Variants in MARCHF1 observed in about 807,000 individuals in gnomAD.
The protein encoded by MARCHF1 is membrane associated ring-CH-type finger 1, also known as E3 ubiquitin-protein ligase MARCHF1.
MARCHF1 carries 40 observed loss-of-function variants against 54.2 expected under a neutral mutation model. The observed-to-expected ratio is 0.74, with a 90% CI of 0.57 to 0.96. MARCHF1 has a LOEUF of 0.96. Among genes scored for constraint, MARCHF1 ranks in the 40% least tolerant of loss-of-function variants. MARCHF1 has a pLI of 0.00. For missense variants in MARCHF1, 586 were observed against 656.5 expected (o/e 0.89, Z 1.17); for synonymous variants, 236 against 236.3 (o/e 1.00, Z 0.01).
chr4:164,094,059 A>C (rs1432485691), intron 2 of MARCHF1, among the ~76,000 whole-genome samples: 1 of 152,132 alleles, frequency 6.6e-6, no homozygotes, highest in Admixed American at 6.6e-5. Context: ...CCTAATACTT[A>C]AGAGAAATAT....
chr4:163,765,933 T>C (rs1251672030), intron 4 of MARCHF1, among the ~76,000 whole-genome samples: 1 of 147,746 alleles, frequency 6.8e-6, no homozygotes, highest in African/African-American at 2.5e-5. Context: ...ATATAATACA[T>C]ATAAATATAT....
intron 1 of MARCHF1, among the ~76,000 whole-genome samples, chr4:164,274,919 A>G (rs937068225): frequency 1.3e-5 from 2 of 149,348 alleles, no homozygotes; most frequent in African/African-American, 4.9e-5. Context: ...CTCGTGATCC[A>G]CCCGCCTCGG....
At chr4:164,300,182 A>G (rs1734517447) in intron 1 of MARCHF1, among the ~76,000 whole-genome samples, 1 of 152,120 alleles carries the variant, frequency 6.6e-6, no homozygotes, top group South Asian at 2.1e-4. Flanking sequence ...TCACTGTAGA[A>G]CATCATTATC....
chr4:163,658,321 A>G (rs1743223294), intron 5 of MARCHF1, among the ~76,000 whole-genome samples: 1 of 152,058 alleles, frequency 6.6e-6, no homozygotes, highest in Non-Finnish European at 1.5e-5. Context: ...GTCATAAAAG[A>G]TCATTAGAGA....
At chr4:163,682,740 TC>T (rs1404441740) in intron 5 of MARCHF1, among the ~76,000 whole-genome samples, 3 of 152,072 alleles carry the variant, frequency 2.0e-5, no homozygotes, top group African/African-American at 7.2e-5. Flanking sequence ...AAGGGGCTTT[TC>T]CCCCTTTGCT....
chr4:163,818,949 G>T (rs1748618091), intron 4 of MARCHF1, among the ~76,000 whole-genome samples: 2 of 152,048 alleles, frequency 1.3e-5, no homozygotes, highest in Admixed American at 1.3e-4. Context: ...TTTCACTGAA[G>T]ATTCTGGCAC....
chr4:164,198,862 C>T (rs1731358640), intron 1 of MARCHF1, among the ~76,000 whole-genome samples: 1 of 152,166 alleles, frequency 6.6e-6, no homozygotes, highest in Admixed American at 6.5e-5. Context: ...AATAGAAATA[C>T]ATTCCCTGAA....
At chr4:163,681,098 G>A (rs1744088621) in intron 5 of MARCHF1, among the ~76,000 whole-genome samples, 1 of 151,770 alleles carries the variant, frequency 6.6e-6, no homozygotes, top group South Asian at 2.1e-4. Context: ...GATATTAAAG[G>A]GAACTAACTT....
intron 1 of MARCHF1, among the ~76,000 whole-genome samples, chr4:164,227,424 A>G (rs369541566): frequency 1.3e-5 from 2 of 152,216 alleles, no homozygotes; most frequent in Admixed American, 6.5e-5. Context: ...TTGGGTGGGG[A>G]CACAGAGCCA....
At chr4:164,197,521 T>G (rs1731311434) in intron 1 of MARCHF1, 3 of 1,613,558 alleles carry the variant, frequency 1.9e-6, no homozygotes, top group Non-Finnish European at 2.5e-6. Flanking sequence ...CTTTCTCAAC[T>G]TTAACTTTGG....
intron 1 of MARCHF1, among the ~76,000 whole-genome samples, chr4:164,317,946 T>A (rs1232216847): frequency 2.6e-5 from 4 of 152,154 alleles, no homozygotes; most frequent in Non-Finnish European, 4.4e-5. Context: ...GGTGAGGCAC[T>A]TTTATCCAGG....
At position 163,612,387 on chromosome 4, in the gene MARCHF1, T is replaced by A. The variant is rs1216157996; in HGVS notation, c.894A>T (p.Ile298=). ...CCTTGCTGCCTTCTGGAACTCCCAG[T>A]ATTTCAGTGCTGGAATCTGTTTCTG... ...TFSETDSSTE[I]LGVPEGSKDM... is the part of the protein sequence containing the mutation. Residue 298 remains isoleucine, a synonymous_variant, in exon 7 of 10, where the codon ATA becomes ATT. Coordinates refer to ENST00000514618, the MANE Select transcript of MARCHF1 (RefSeq NM_001394959.1). The A allele has an allele frequency of 5.2e-6, 8 of 1,535,332 alleles. No homozygotes were observed. Among genetic ancestry groups the A allele is most frequent in the Non-Finnish European group, 3.5e-6 (4 of 1,146,464 alleles).
chr4:164,050,679 T>C (rs1421135497), intron 2 of MARCHF1, among the ~76,000 whole-genome samples: 1 of 143,306 alleles, frequency 7.0e-6, no homozygotes, highest in Non-Finnish European at 1.6e-5. Context: ...ATTTTAATAA[T>C]ATCCGCAAGT....
At chr4:163,978,522 T>C (rs1366938600) in intron 3 of MARCHF1, among the ~76,000 whole-genome samples, 7 of 152,166 alleles carry the variant, frequency 4.6e-5, no homozygotes, top group Admixed American at 4.6e-4. Context: ...CATTATTTTA[T>C]ATATGAGGAA....
intron 9 of MARCHF1, among the ~76,000 whole-genome samples, chr4:163,543,840 C>T (rs956137324): frequency 4.7e-4 from 71 of 152,244 alleles, no homozygotes; most frequent in African/African-American, 1.4e-3. Context: ...GAGAAGGGCT[C>T]TTAATTTTCT....
At chr4:164,332,239 T>G (rs1561005536) in intron 1 of MARCHF1, among the ~76,000 whole-genome samples, 1 of 152,218 alleles carries the variant, frequency 6.6e-6, no homozygotes, top group South Asian at 2.1e-4. Flanking sequence ...GACACACAAG[T>G]GACTGTTGTT....
intron 5 of MARCHF1, among the ~76,000 whole-genome samples, chr4:163,663,667 G>T (rs114018287): frequency 2.6e-5 from 4 of 151,964 alleles, no homozygotes; most frequent in Admixed American, 6.6e-5. Context: ...CTAAGGCCAC[G>T]TCTCTCCTGG....
chr4:163,733,072 A>C (rs1267486330), intron 4 of MARCHF1, among the ~76,000 whole-genome samples: 1 of 148,602 alleles, frequency 6.7e-6, no homozygotes, highest in Non-Finnish European at 1.5e-5. Context: ...GAATCACTTG[A>C]ACCTGGGAGG....
intron 4 of MARCHF1, among the ~76,000 whole-genome samples, chr4:163,719,011 G>T (rs1745353676): frequency 6.6e-6 from 1 of 152,130 alleles, no homozygotes; most frequent in Admixed American, 6.6e-5. Context: ...GTTTATGGAA[G>T]TGGGTATATC....
Sources: gnomAD v4.1 joint callset for allele counts (sites outside exome capture counted in the v4.1 genomes callset) on GRCh38, gnomAD v4.1.1 for gene constraint, MANE v1.5 for transcripts, NCBI Gene and HGNC (gene_info 2026-07-23, HGNC 2026-07-21) for gene names.